XKRX: variants seen among roughly 807,000 people sequenced by gnomAD.
XKRX encodes XK-related protein 2.
XKRX carries 11 observed loss-of-function variants against 22.4 expected under a neutral mutation model. The observed-to-expected ratio is 0.49, with a 90% CI of 0.31 to 0.81. XKRX has a LOEUF of 0.81. Ranked by LOEUF, XKRX falls within the 40% of genes least tolerant of loss-of-function variation. The pLI is 0.05. For synonymous variants in XKRX, 114 were observed against 132.2 expected, an observed-to-expected ratio of 0.86 and a Z score of 0.94; for missense variants, 320 against 336.5, an observed-to-expected ratio of 0.95 and a Z score of 0.38.
upstream of XKRX, among the ~76,000 whole-genome samples, chrX:100,929,932 A>G (rs2147945486): frequency 9.0e-6 from 1 of 111,561 alleles, no homozygotes; most frequent in South Asian, 3.8e-4. Flanking sequence ...TTTTGTTTTC[A>G]TATCTTCATT....
chrX:100,894,196 G>C, the XKRX span, among the ~76,000 whole-genome samples: 1 of 111,662 alleles, frequency 9.0e-6, no homozygotes, highest in Non-Finnish European at 1.9e-5. Context: ...GAACCCGGCA[G>C]GGGGAGGTTG....
At chrX:100,939,842 TATATC>T in the XKRX span, among the ~76,000 whole-genome samples, 1 of 112,549 alleles carries the variant, frequency 8.9e-6, no homozygotes, top group South Asian at 3.7e-4. Flanking sequence ...TTTAAAAAGA[TATATC>T]ATTCATAGCC....
At chrX:100,941,548 T>TA in the XKRX span, among the ~76,000 whole-genome samples, 20 of 105,884 alleles carry the variant, frequency 1.9e-4, no homozygotes, top group East Asian at 8.9e-4. Context: ...GACTCTGTCT[T>TA]AAAAAAAAAA....
At chrX:100,905,256 T>C in the XKRX span, among the ~76,000 whole-genome samples, 150 of 111,644 alleles carry the variant, frequency 1.3e-3, 1 homozygote, top group Middle Eastern at 0.018. Context: ...GATGATAAAA[T>C]GAATCTATAT....
At chrX:100,902,126 T>G in the XKRX span, among the ~76,000 whole-genome samples, 1 of 111,018 alleles carries the variant, frequency 9.0e-6, no homozygotes, top group Non-Finnish European at 1.9e-5. Flanking sequence ...AACAGAAAGA[T>G]AGCTGAAAAG....
the XKRX span, chrX:100,956,775 G>A: frequency 5.4e-6 from 3 of 558,767 alleles, no homozygotes; most frequent in Non-Finnish European, 9.8e-6. Context: ...CACTTGTACA[G>A]TTTATGCAGA....
chrX:100,928,296 T>G lies in XKRX; in HGVS notation c.9A>C (p.Arg3Ser), dbSNP rs1192612731. 1 of 1,207,878 alleles carries G rather than the reference T, an allele frequency of 8.3e-7. No individual in the cohort carries two copies. The highest frequency in any genetic ancestry group is 1.1e-6 in the Non-Finnish European group (1 of 894,545). ...TTGGCTCCTCAGGAATTTCATAAACTCTGTCCATTGTCGAGGTTCTTTCTG... is the reference window on the plus strand; with the variant it reads ...TTGGCTCCTCAGGAATTTCATAAACGCTGTCCATTGTCGAGGTTCTTTCTG... MD[R>S]VYEIPEEPNV... Residue 3 changes from arginine to serine, a missense_variant, in exon 1 of 3, where the codon AGA becomes AGC. By Grantham distance (110) the Arg-to-Ser change is moderately radical. Coordinates refer to ENST00000372956, the MANE Select transcript of XKRX (RefSeq NM_212559.3).
chrX:100,928,680 C>A lies in XKRX; in HGVS notation c.-376G>T. On this transcript the variant is annotated 5_prime_UTR_variant, in exon 1 of 3. Coordinates refer to ENST00000372956, the MANE Select transcript of XKRX (RefSeq NM_212559.3). ...GCGGCTTCCGTGGCGGCTCCTTTCGCAGCCCCTCAGGCAGGGTGTAGCCGA... is the reference window on the plus strand; with the variant it reads ...GCGGCTTCCGTGGCGGCTCCTTTCGAAGCCCCTCAGGCAGGGTGTAGCCGA... 2.5e-6 allele frequency: 2 copies of A among 793,139 alleles called. No homozygotes were observed. Among genetic ancestry groups the A allele is most frequent in the Non-Finnish European group, 3.0e-6 (2 of 665,119 alleles). The allele number at this position is 793,139 out of a possible 1,213,427, so 65.4% of individuals were successfully genotyped here. A position where few individuals can be genotyped will look rare whatever the true frequency, so the allele number is the denominator to read the frequency against.
At chrX:100,929,742 G>A (rs996650408), upstream of XKRX, among the ~76,000 whole-genome samples, 1 of 111,527 alleles carries the variant, frequency 9.0e-6, no homozygotes, top group Admixed American at 9.5e-5. Flanking sequence ...ATGAGGCCAG[G>A]ATAGGAGCTT....
intron 2 of XKRX, among the ~76,000 whole-genome samples, chrX:100,919,684 T>C (rs986472525): frequency 3.6e-5 from 4 of 112,047 alleles, no homozygotes; most frequent in Admixed American, 9.5e-5. Flanking sequence ...GAAAGCGAAT[T>C]ATTTTAAAAG....
chrX:100,902,440 C>A, the XKRX span, among the ~76,000 whole-genome samples: 1 of 111,875 alleles, frequency 8.9e-6, no homozygotes, highest in East Asian at 2.8e-4. Context: ...CCAGACAAAA[C>A]ATTACAAGAA....
chrX:100,920,211 A>C (rs772387940), intron 2 of XKRX, among the ~76,000 whole-genome samples: 2 of 101,966 alleles, frequency 2.0e-5, no homozygotes, highest in East Asian at 5.6e-4. Context: ...GAATCCTATC[A>C]ATAGAAAATT....
At position 100,920,774 on chromosome X, in the gene XKRX, T is replaced by C. The variant is rs373523513; in HGVS notation, c.604+2019A>G. Among the ~76,000 whole-genome samples the C allele has an allele frequency of 2.4e-4, 27 of 112,056 alleles. 1 individual carries two copies. Among genetic ancestry groups the C allele is most frequent in the East Asian group, 1.9e-3 (7 of 3,613 alleles). ...TACTTTTGTTATTTATTTATTTATT[T>C]ATGAGACGGGAGTCTCCCTCTGTCG... On this transcript the variant is annotated intron_variant, in intron 2 of 2. Transcript: ENST00000372956.
At chrX:100,932,056 C>G (rs1459831965), upstream of XKRX, among the ~76,000 whole-genome samples, 1 of 111,827 alleles carries the variant, frequency 8.9e-6, no homozygotes, top group Admixed American at 9.5e-5. Flanking sequence ...TTGGACTCCC[C>G]CATGACTGGT....
the XKRX span, among the ~76,000 whole-genome samples, chrX:100,958,685 A>G: frequency 2.7e-5 from 3 of 111,984 alleles, no homozygotes; most frequent in South Asian, 1.1e-3. Flanking sequence ...TTTGAGGTAT[A>G]AATTAATGAG....
Position 100,914,849 on chromosome X carries a change from A to T in XKRX, c.839T>A (p.Ile280Asn), listed in dbSNP as rs746653836. The stretch of plus-strand genomic sequence containing the variant: ...GAACTTAATCCAGGGCTCAAAGAGG[A>T]TGATCAGGAAGTTGAGCACTAGGAA... Reference protein sequence around the residue: ...VPFLVLNFLIILFEPWIKFWR... With the variant: ...VPFLVLNFLINLFEPWIKFWR... The change falls in exon 3 of 3, where the codon ATC (isoleucine) becomes AAC (asparagine). Residue 280 changes from isoleucine (I) to asparagine (N), a missense_variant. By Grantham distance (149) the Ile-to-Asn change is moderately radical (BLOSUM62 -3). Coordinates refer to ENST00000372956, the MANE Select transcript of XKRX (RefSeq NM_212559.3). The T allele has an allele frequency of 1.7e-6, 2 of 1,211,679 alleles. No individual in the cohort carries two copies. Among genetic ancestry groups the T allele is most frequent in the South Asian group, 3.5e-5 (2 of 56,973 alleles).
At chrX:100,922,554 G>A (rs1396133807) in intron 2 of XKRX, among the ~76,000 whole-genome samples, 4 of 112,453 alleles carry the variant, frequency 3.6e-5, no homozygotes, top group African/African-American at 1.3e-4. Context: ...CTGTCCGATA[G>A]AACTTTCTGT....
At chrX:100,900,888 C>T in the XKRX span, among the ~76,000 whole-genome samples, 1 of 105,191 alleles carries the variant, frequency 9.5e-6, no homozygotes, top group South Asian at 4.5e-4. Context: ...CTCCCGGGTT[C>T]ACGCCATTCT....
chrX:100,894,017 C>A, the XKRX span, among the ~76,000 whole-genome samples: 1 of 111,578 alleles, frequency 9.0e-6, no homozygotes, highest in South Asian at 3.7e-4. Flanking sequence ...GCCTGTAATC[C>A]CAGCCCTTTG....
Sources: allele counts gnomAD v4.1 joint callset (sites outside exome capture counted in the v4.1 genomes callset), GRCh38; gene constraint gnomAD v4.1.1; transcripts MANE v1.5; gene names NCBI Gene and HGNC (gene_info 2026-07-23, HGNC 2026-07-21).